FRY: variants seen among roughly 807,000 people sequenced by gnomAD.
The protein encoded by FRY is FRY microtubule binding protein, also known as protein furry homolog.
Under a neutral mutation model 348.4 loss-of-function variants are expected in FRY, and 128 were observed. The observed-to-expected ratio is 0.37, with a 90% CI of 0.32 to 0.43. The LOEUF (loss-of-function observed/expected upper bound fraction) is 0.43, where lower values mean the gene tolerates loss of function less well. Ranked by LOEUF, FRY falls within the 20% of genes least tolerant of loss-of-function variation. FRY has a pLI of 1.00. For missense variants in FRY, 2,736 were observed against 3,695.2 expected, an observed-to-expected ratio of 0.74 and a Z score of 6.73; for synonymous variants, 1,370 against 1,374.7, an observed-to-expected ratio of 1.00 and a Z score of 0.08.
At chr13:32,197,804 A>G (rs1412820332) in intron 29 of FRY, among the ~76,000 whole-genome samples, 1 of 152,236 alleles carries the variant, frequency 6.6e-6, no homozygotes, top group African/African-American at 2.4e-5. Context: ...AAGCCAGAGT[A>G]GCGGACATTT....
At chr13:32,040,690 A>G (rs1323824469) in intron 1 of FRY, among the ~76,000 whole-genome samples, 1 of 152,194 alleles carries the variant, frequency 6.6e-6, no homozygotes, top group African/African-American at 2.4e-5. Context: ...TATCTAACTC[A>G]GTAAATCTGA....
chr13:32,212,628 G>T (rs903147827), intron 35 of FRY, among the ~76,000 whole-genome samples: 1 of 152,060 alleles, frequency 6.6e-6, no homozygotes, highest in Non-Finnish European at 1.5e-5. Context: ...GTGGAATTTC[G>T]CATACCTCAG....
Position 32,093,230 on chromosome 13 carries a change from A to C in FRY, c.271-8733A>C, listed in dbSNP as rs192625135. ...CTGCAATACTATTACTACATCTAAA[A>C]AACTTACAACAATCCCTTAACATCA... On this transcript the variant is annotated intron_variant, in intron 2 of 60. Coordinates refer to ENST00000542859, the MANE Select transcript of FRY (RefSeq NM_023037.3). Among the ~76,000 whole-genome samples, 5 of 152,324 alleles carry C rather than the reference A, an allele frequency of 3.3e-5. No individual in the cohort carries two copies. The East Asian group carries it at 9.6e-4, about 29-fold the overall frequency.
chr13:32,101,008 A>T (rs555499510), intron 2 of FRY, among the ~76,000 whole-genome samples: 1 of 152,302 alleles, frequency 6.6e-6, no homozygotes, highest in African/African-American at 2.4e-5. Context: ...AGGCCATAGC[A>T]CAATACATTA....
chr13:32,293,733 C>T (rs182546180), intron 59 of FRY, among the ~76,000 whole-genome samples: 305 of 152,270 alleles, frequency 2.0e-3, no homozygotes, highest in African/African-American at 6.7e-3. Flanking sequence ...AGCATTAATA[C>T]AAACATTAGT....
intron 3 of FRY, among the ~76,000 whole-genome samples, chr13:32,111,907 G>A (rs1466534401): frequency 6.6e-6 from 1 of 152,200 alleles, no homozygotes; most frequent in Non-Finnish European, 1.5e-5. Context: ...CAAACTCAGG[G>A]AGCCAGATGT....
At chr13:32,155,688 T>G in intron 15 of FRY, 26 bp downstream of exon 15, 10 of 1,514,302 alleles carry the variant, frequency 6.6e-6, no homozygotes, top group Non-Finnish European at 9.1e-6. Context: ...GCATAAGAAC[T>G]AAGCCTTATT....
chr13:32,253,417 A>G (rs541883043), intron 50 of FRY, among the ~76,000 whole-genome samples: 1 of 152,364 alleles, frequency 6.6e-6, no homozygotes, highest in East Asian at 1.9e-4. Flanking sequence ...TTCAAGGACA[A>G]CTAAGACATT....
chr13:32,135,995 C>A (rs910232612), intron 10 of FRY, among the ~76,000 whole-genome samples: 5 of 151,292 alleles, frequency 3.3e-5, no homozygotes, highest in African/African-American at 1.2e-4. Context: ...GAGCTGCACT[C>A]AATGGTAGCA....
intron 55 of FRY, among the ~76,000 whole-genome samples, chr13:32,268,501 AAAAAATATATATAT>A (rs1450790366): frequency 4.1e-4 from 7 of 17,080 alleles, no homozygotes; most frequent in Admixed American, 9.8e-4. Flanking sequence ...AAAAAAAAAA[AAAAAATATATATAT>A]ATATATATAT....
chr13:32,206,010 A>G (rs1165234475), intron 31 of FRY, among the ~76,000 whole-genome samples: 2 of 151,898 alleles, frequency 1.3e-5, no homozygotes, highest in East Asian at 3.9e-4. Flanking sequence ...TAGAAACCCA[A>G]TACAGGGAGA....
At chr13:32,099,964 A>G (rs1877041845) in intron 2 of FRY, among the ~76,000 whole-genome samples, 1 of 152,072 alleles carries the variant, frequency 6.6e-6, no homozygotes, top group Non-Finnish European at 1.5e-5. Flanking sequence ...GAAAAATCAC[A>G]TGCCCCAAAT....
chr13:32,122,558 C>T (rs137895942), intron 4 of FRY, among the ~76,000 whole-genome samples: 5,281 of 152,084 alleles, frequency 0.035, 93 homozygotes, highest in African/African-American at 0.049. Context: ...AAGCCATCTA[C>T]GACAAACCCA....
rs538904082 is a variant in FRY, at chr13:32,074,390, T to TTA, written c.71-4444_71-4443insTA. The stretch of plus-strand genomic sequence containing the variant: ...AGAAAATATAAAGAGAAGACAAATT[T>TTA]CAAACGGATTCAATAATTAGAAACC... On this transcript the variant is annotated intron_variant, in intron 1 of 60. Transcript: ENST00000542859. Among the ~76,000 whole-genome samples, 779 of 152,224 alleles carry TTA rather than the reference T, an allele frequency of 5.1e-3. 3 individuals are homozygous for TTA. Among genetic ancestry groups the TTA allele is most frequent in the Middle Eastern group, 0.017 (5 of 294 alleles).
chr13:32,248,944 G>A (rs574199236), intron 48 of FRY, among the ~76,000 whole-genome samples: 1 of 152,200 alleles, frequency 6.6e-6, no homozygotes, highest in Non-Finnish European at 1.5e-5. Context: ...TCAAGCCCAT[G>A]AGCTGGTGTC....
intron 18 of FRY, among the ~76,000 whole-genome samples, chr13:32,171,559 G>A (rs908794748): frequency 5.3e-5 from 8 of 151,896 alleles, no homozygotes; most frequent in African/African-American, 9.7e-5. Context: ...TGATCCTCCC[G>A]TCTCAGCCTC....
At chr13:32,124,194 T>C (rs1878879189) in intron 4 of FRY, 92 bp from the exon 5 acceptor site, 1 of 785,006 alleles carries the variant, frequency 1.3e-6, no homozygotes. Flanking sequence ...GGTTTTGCAG[T>C]CTATTAGGGA....
At chr13:32,066,051 C>A (rs1387567590) in intron 1 of FRY, among the ~76,000 whole-genome samples, 1 of 152,160 alleles carries the variant, frequency 6.6e-6, no homozygotes, top group East Asian at 1.9e-4. Context: ...GACCGTAATT[C>A]TTTGCTATCA....
At chr13:32,214,661 G>A (rs1884881296) in intron 35 of FRY, among the ~76,000 whole-genome samples, 1 of 152,152 alleles carries the variant, frequency 6.6e-6, no homozygotes, top group Admixed American at 6.5e-5. Flanking sequence ...ATCCCCAGAG[G>A]TGGATAAGCT....
Sources: allele counts gnomAD v4.1 joint callset (sites outside exome capture counted in the v4.1 genomes callset), GRCh38; gene constraint gnomAD v4.1.1; transcripts MANE v1.5; gene names NCBI Gene and HGNC (gene_info 2026-07-23, HGNC 2026-07-21).